NCAM2: variants seen among roughly 807,000 people sequenced by gnomAD.
NCAM2 encodes N-CAM-2.
A neutral mutation model predicts 98.1 loss-of-function variants in NCAM2; 30 were observed. That is an observed-to-expected ratio of 0.31 (90% CI 0.23 to 0.41). NCAM2 has a LOEUF of 0.41. Among genes scored for constraint, NCAM2 ranks in the 10% least tolerant of loss-of-function variants. NCAM2 has a pLI of 1.00. For synonymous variants in NCAM2, 368 were observed against 342.4 expected, an observed-to-expected ratio of 1.07 and a Z score of -0.83; for missense variants, 867 against 1,005.8, an observed-to-expected ratio of 0.86 and a Z score of 1.87.
chr21:21,497,739 A>G (rs763122012), intron 15 of NCAM2, among the ~76,000 whole-genome samples: 5 of 152,166 alleles, frequency 3.3e-5, no homozygotes, highest in Non-Finnish European at 7.4e-5. Flanking sequence ...CATTCTGGGA[A>G]AAGAAATTCG....
rs558050449 is a variant in NCAM2 at position 21,160,180 on chromosome 21, A to G, written c.56-120398A>G. 4.1e-4 allele frequency among the ~76,000 whole-genome samples: 62 copies of G among 152,226 alleles called. No individual in the cohort carries two copies. The East Asian group carries it at 9.3e-3, about 23-fold the overall frequency. On this transcript the variant is annotated intron_variant, in intron 1 of 17. Transcript: ENST00000400546. Reference sequence around the variant, plus strand: ...ATTTTATTTAATTTTTGCAGTATAAATATTTTCAGCGTGTGGACATCATGT... The same window carrying G: ...ATTTTATTTAATTTTTGCAGTATAAGTATTTTCAGCGTGTGGACATCATGT...
intron 6 of NCAM2, among the ~76,000 whole-genome samples, chr21:21,328,662 G>A (rs111240270): frequency 3.3e-5 from 5 of 151,612 alleles, no homozygotes; most frequent in African/African-American, 1.2e-4. Flanking sequence ...AAAATATTTT[G>A]TACAGCTATA....
intron 8 of NCAM2, among the ~76,000 whole-genome samples, chr21:21,341,602 CG>C: frequency 6.6e-6 from 1 of 151,828 alleles, no homozygotes. Context: ...TCATAAATGT[CG>C]TGTAGTAAAA....
At chr21:21,090,744 T>G (rs2065995687) in intron 1 of NCAM2, among the ~76,000 whole-genome samples, 1 of 152,174 alleles carries the variant, frequency 6.6e-6, no homozygotes, top group South Asian at 2.1e-4. Context: ...TTTGGAAATG[T>G]ATGTCCAGCC....
At chr21:21,155,352 A>C (rs569828237) in intron 1 of NCAM2, among the ~76,000 whole-genome samples, 1 of 151,576 alleles carries the variant, frequency 6.6e-6, no homozygotes, top group South Asian at 2.1e-4. Context: ...TATTCCTGTA[A>C]ATTTTCTCAT....
chr21:21,085,610 C>T (rs1340080823), intron 1 of NCAM2, among the ~76,000 whole-genome samples: 1 of 152,052 alleles, frequency 6.6e-6, no homozygotes, highest in East Asian at 1.9e-4. Context: ...AGACATGGGG[C>T]CCTAGGATGC....
At chr21:21,167,797 T>C (rs1469153713) in intron 1 of NCAM2, among the ~76,000 whole-genome samples, 5 of 152,162 alleles carry the variant, frequency 3.3e-5, no homozygotes, top group African/African-American at 1.2e-4. Context: ...TAGGCCCTTA[T>C]TAAATAAATT....
At chr21:21,307,770 A>G (rs771606257) in intron 5 of NCAM2, among the ~76,000 whole-genome samples, 19 of 151,958 alleles carry the variant, frequency 1.3e-4, no homozygotes, top group Non-Finnish European at 2.6e-4. Flanking sequence ...TCCAACCCAT[A>G]CTTGGAATAT....
intron 10 of NCAM2, 32 bp downstream of exon 10, chr21:21,410,493 A>G (rs752974459): frequency 2.4e-6 from 3 of 1,263,166 alleles, no homozygotes; most frequent in Non-Finnish European, 3.2e-6. Context: ...AATAAATTGT[A>G]TTATTTTAAC....
Position 21,509,072 on chromosome 21 carries a change from T to C in NCAM2, c.2282+17T>C. 1 of 1,612,554 alleles carries C rather than the reference T, an allele frequency of 6.2e-7. No individual in the cohort carries two copies. Among genetic ancestry groups the C allele is most frequent in the Non-Finnish European group, 8.5e-7 (1 of 1,179,160 alleles). On this transcript the variant is annotated intron_variant, in intron 16 of 17. Transcript: ENST00000400546. ...TGCATACCTGTGAGTATCAGGCATCTACATCATGTCATATTAAACAAGCGC... is the reference window on the plus strand; with the variant it reads ...TGCATACCTGTGAGTATCAGGCATCCACATCATGTCATATTAAACAAGCGC...
At chr21:21,156,800 C>A (rs773143385) in intron 1 of NCAM2, among the ~76,000 whole-genome samples, 1 of 152,010 alleles carries the variant, frequency 6.6e-6, no homozygotes, top group African/African-American at 2.4e-5. Context: ...CATAAAGTTA[C>A]AATTACATGT....
intron 4 of NCAM2, among the ~76,000 whole-genome samples, chr21:21,289,200 CCTACTT>C (rs1181158548): frequency 6.6e-6 from 1 of 151,716 alleles, no homozygotes; most frequent in African/African-American, 2.4e-5. Flanking sequence ...TTTTATATAA[CCTACTT>C]CTAGTATAAA....
chr21:21,482,163 A>C lies in NCAM2; in HGVS notation c.2077+4692A>C, dbSNP rs565327887. Among the ~76,000 whole-genome samples the C allele has an allele frequency of 5.3e-5, 8 of 152,270 alleles. No individual in the cohort carries two copies. The East Asian group carries it at 1.4e-3, about 26-fold the overall frequency. On this transcript the variant is annotated intron_variant, in intron 15 of 17. Coordinates refer to ENST00000400546, the MANE Select transcript of NCAM2 (RefSeq NM_004540.5). ...ACTGAATCCGGATTGCTAAGGCCTC[A>C]TAGAAAGTCATATCAGAAACAAACC... is the stretch of plus-strand genomic sequence containing the variant.
At chr21:21,330,583 T>C (rs1417702648) in intron 6 of NCAM2, among the ~76,000 whole-genome samples, 1 of 152,106 alleles carries the variant, frequency 6.6e-6, no homozygotes, top group Non-Finnish European at 1.5e-5. Flanking sequence ...AAATCCCTAA[T>C]ATTAAATAGA....
intron 5 of NCAM2, among the ~76,000 whole-genome samples, chr21:21,303,764 C>T (rs534202235): frequency 6.6e-6 from 1 of 152,208 alleles, no homozygotes; most frequent in South Asian, 2.1e-4. Context: ...TTCACTTGCT[C>T]CACATCCTCA....
chr21:21,521,002 A>G (rs985063123), intron 16 of NCAM2, among the ~76,000 whole-genome samples: 1 of 152,166 alleles, frequency 6.6e-6, no homozygotes, highest in East Asian at 1.9e-4. Flanking sequence ...AGGGGGAAGT[A>G]ACTACATTAA....
Position 21,314,167 on chromosome 21 carries a change from T to C in NCAM2, c.620-10216T>C, listed in dbSNP as rs191210413. 5.1e-4 allele frequency among the ~76,000 whole-genome samples: 78 copies of C among 152,256 alleles called. 1 individual carries two copies. The highest frequency in any genetic ancestry group is 5.3e-4 in the Non-Finnish European group (36 of 67,978). On this transcript the variant is annotated intron_variant, in intron 5 of 17. Transcript: ENST00000400546. ...ATGTTTCCTTTGATTTAATTTCTTT[T>C]CTCTTTTAGAAGGCGCCTTGAGCAA... is the stretch of plus-strand genomic sequence containing the variant.
intron 1 of NCAM2, among the ~76,000 whole-genome samples, chr21:21,234,201 A>G (rs892335072): frequency 6.6e-6 from 1 of 151,842 alleles, no homozygotes; most frequent in Non-Finnish European, 1.5e-5. Flanking sequence ...ACAATCTACA[A>G]TGCACTAGAG....
At chr21:21,211,554 A>T (rs951308210) in intron 1 of NCAM2, among the ~76,000 whole-genome samples, 1 of 152,234 alleles carries the variant, frequency 6.6e-6, no homozygotes, top group East Asian at 1.9e-4. Flanking sequence ...ACAGAAAATA[A>T]CTAGGCTAAG....
Sources: gnomAD v4.1 joint callset for allele counts (sites outside exome capture counted in the v4.1 genomes callset) on GRCh38, gnomAD v4.1.1 for gene constraint, MANE v1.5 for transcripts, NCBI Gene and HGNC (gene_info 2026-07-23, HGNC 2026-07-21) for gene names.